The following DIPK2A variants were observed in gnomAD, a reference collection of about 807,000 sequenced individuals.
DIPK2A encodes divergent protein kinase domain 2A.
In DIPK2A, 27 loss-of-function variants were observed where a neutral mutation model predicts 39.0. That is an observed-to-expected ratio of 0.69 (90% CI 0.51 to 0.96). The LOEUF is 0.96. DIPK2A is among the 40% of genes least tolerant of loss of function. The pLI is 0.00. For synonymous variants in DIPK2A, 298 were observed against 240.8 expected (o/e 1.24, Z -2.20); for missense variants, 528 against 571.3 (o/e 0.92, Z 0.77).
At chr3:143,976,018 A>G (rs2087723549) in intron 1 of DIPK2A, among the ~76,000 whole-genome samples, 2 of 152,092 alleles carry the variant, frequency 1.3e-5, no homozygotes, top group Non-Finnish European at 2.9e-5. Flanking sequence ...AACAGTAAAA[A>G]ATTGAAGTTG....
In DIPK2A at chr3:143,972,188, T is replaced by TCA. The variant is rs2087659126; in HGVS notation, c.-139_-138dup. 2.5e-5 allele frequency: 16 copies of TCA among 652,762 alleles called. No homozygotes were observed. In the South Asian group the frequency reaches 6.4e-4, roughly 26 times the overall value. 40.4% of individuals were successfully genotyped at this position (652,762 alleles called of 1,614,324 possible). On this transcript the variant is annotated 5_prime_UTR_variant, in exon 1 of 3. Transcript: ENST00000315691. The stretch of plus-strand genomic sequence containing the variant: ...CCTTCCCGCTCCCCGTCTTCCTCTC[T>TCA]CACACACCTACTCCGCCCTCCGCCC...
chr3:143,989,756 C>G lies in DIPK2A; in HGVS notation c.1208C>G (p.Ala403Gly). The stretch of plus-strand genomic sequence containing the variant: ...CTCGAGGCCTTGCTGGATGAGTGTG[C>G]CAACCCAAAGAAGCGCTATGGCAGA... ...GRLEALLDEC[A>G]NPKKRYGRFQ... The change falls in exon 3 of 3, where the codon GCC becomes GGC. Residue 403 changes from alanine (A) to glycine (G), a missense_variant. By Grantham distance (60) the Ala-to-Gly change is moderately conservative. This residue lies in a region of DIPK2A where 219 missense variants were observed against 281.5 expected (regional missense o/e 0.78). Transcript: ENST00000315691. 1 of 1,614,192 alleles carries G rather than the reference C, an allele frequency of 6.2e-7. No homozygotes were observed. The highest frequency in any genetic ancestry group is 8.5e-7 in the Non-Finnish European group (1 of 1,180,042).
intron 1 of DIPK2A, among the ~76,000 whole-genome samples, chr3:143,980,680 A>G (rs573875108): frequency 4.4e-4 from 67 of 151,622 alleles, no homozygotes; most frequent in African/African-American, 1.6e-3. Context: ...CGATATTCAC[A>G]TTTTAGATTG....
chr3:143,980,607 C>G (rs761394808), intron 1 of DIPK2A, among the ~76,000 whole-genome samples: 9 of 149,632 alleles, frequency 6.0e-5, no homozygotes, highest in Non-Finnish European at 1.3e-4. Flanking sequence ...CATATACTTT[C>G]TAAGAGTGTT....
chr3:143,973,879 A>G (rs950869277), intron 1 of DIPK2A, among the ~76,000 whole-genome samples: 2 of 152,180 alleles, frequency 1.3e-5, no homozygotes, highest in Non-Finnish European at 2.9e-5. Context: ...AGAACAAAAA[A>G]CAAAAACACT....
rs922243680 is a variant in DIPK2A at position 143,990,687 on chromosome 3, A to G, written c.*846A>G. 1 of 152,640 alleles carries G rather than the reference A, an allele frequency of 6.6e-6. No individual in the cohort carries two copies. The highest frequency in any genetic ancestry group is 1.5e-5 in the Non-Finnish European group (1 of 68,008). The allele number at this position is 152,640 out of a possible 1,614,324, so 9.5% of individuals were successfully genotyped here. On this transcript the variant is annotated 3_prime_UTR_variant, in exon 3 of 3. Coordinates refer to ENST00000315691, the MANE Select transcript of DIPK2A (RefSeq NM_173552.5). The stretch of plus-strand genomic sequence containing the variant: ...GTTAATTTTGATTCAGAAAAAAAAT[A>G]CAACCCAGTATCTAAAAAGTGTTAA...
At chr3:143,978,058 T>C (rs2087756075) in intron 1 of DIPK2A, among the ~76,000 whole-genome samples, 1 of 152,076 alleles carries the variant, frequency 6.6e-6, no homozygotes, top group African/African-American at 2.4e-5. Context: ...CTCACACATG[T>C]TGGGAAATAG....
At chr3:143,987,728 A>G (rs2087923794) in intron 2 of DIPK2A, among the ~76,000 whole-genome samples, 1 of 152,162 alleles carries the variant, frequency 6.6e-6, no homozygotes, top group African/African-American at 2.4e-5. Context: ...TATAAAAAGT[A>G]TATATAAGAC....
rs2087959030 is a variant in DIPK2A, at chr3:143,990,044, C to T, written c.*203C>T. ...TGATGCTTCTGCAAATAAGTATGTTCTTATACTTTGGAGGCTTGAGCTGTC... is the reference window on the plus strand; with the variant it reads ...TGATGCTTCTGCAAATAAGTATGTTTTTATACTTTGGAGGCTTGAGCTGTC... On this transcript the variant is annotated 3_prime_UTR_variant, in exon 3 of 3. Transcript: ENST00000315691. 5.4e-6 allele frequency: 3 copies of T among 558,932 alleles called. No homozygotes were observed. Among genetic ancestry groups the T allele is most frequent in the Admixed American group, 3.2e-5 (1 of 31,082 alleles). 34.6% of individuals were successfully genotyped at this position (558,932 alleles called of 1,614,324 possible).
intron 1 of DIPK2A, chr3:143,978,644 A>ATATATATATATATC (rs2087775764): frequency 8.0e-5 from 4 of 49,700 alleles, no homozygotes; most frequent in African/African-American, 3.8e-4. Context: ...ATATATCTAT[A>ATATATATATATATC]TATATATATA....
At chr3:143,983,849 A>G (rs560828237) in intron 1 of DIPK2A, among the ~76,000 whole-genome samples, 2 of 144,252 alleles carry the variant, frequency 1.4e-5, no homozygotes, top group Admixed American at 6.7e-5. Context: ...TTTCATCTAC[A>G]TTTTGTATTG....
rs142361723 is a variant in DIPK2A, at chr3:143,972,512, C to T, written c.180C>T (p.Gly60=). Residue 60 remains glycine (G), a synonymous_variant, in exon 1 of 3, where the codon GGC becomes GGT. Coordinates refer to ENST00000315691, the MANE Select transcript of DIPK2A (RefSeq NM_173552.5). ...LQLNKCPACF[G]TSWCRRFLNG... is the part of the protein sequence containing the mutation. The stretch of plus-strand genomic sequence containing the variant: ...TCAATAAGTGCCCGGCGTGCTTCGG[C>T]ACGAGCTGGTGCCGCCGCTTCCTCA... 3 of 1,611,114 alleles carry T rather than the reference C, an allele frequency of 1.9e-6. No individual in the cohort carries two copies. The highest frequency in any genetic ancestry group is 2.7e-5 in the African/African-American group (2 of 74,960).
chr3:143,972,217 C>A lies in DIPK2A; in HGVS notation c.-116C>A, dbSNP rs918287736. 2.0e-6 allele frequency: 2 copies of A among 990,078 alleles called. No individual in the cohort carries two copies. Among genetic ancestry groups the A allele is most frequent in the Non-Finnish European group, 2.7e-6 (2 of 736,656 alleles). The allele number at this position is 990,078 out of a possible 1,614,324, so 61.3% of individuals were successfully genotyped here. A position where few individuals can be genotyped will look rare whatever the true frequency, so the allele number is the denominator to read the frequency against. On this transcript the variant is annotated 5_prime_UTR_variant, in exon 1 of 3. Transcript: ENST00000315691. Reference sequence around the variant, plus strand: ...ACACCTACTCCGCCCTCCGCCCCAGCCCGCGCGCTAGCTCCTTCTCTCGCC... The same window carrying A: ...ACACCTACTCCGCCCTCCGCCCCAGACCGCGCGCTAGCTCCTTCTCTCGCC...
At chr3:143,982,386 C>G (rs1437186384) in intron 1 of DIPK2A, among the ~76,000 whole-genome samples, 1 of 152,176 alleles carries the variant, frequency 6.6e-6, no homozygotes, top group African/African-American at 2.4e-5. Context: ...GCCCATCAGA[C>G]TAACAGCAGA....
intron 1 of DIPK2A, chr3:143,973,308 C>T: frequency 6.5e-7 from 1 of 1,531,740 alleles, no homozygotes; most frequent in South Asian, 1.2e-5. Flanking sequence ...TCCTTCCGCT[C>T]TCTACCCTGC....
At chr3:143,978,622 C>CTATAGATATATATATATCTA (rs2087769039) in intron 1 of DIPK2A, 5 of 121,646 alleles carry the variant, frequency 4.1e-5, no homozygotes, top group Non-Finnish European at 8.8e-5. Flanking sequence ...ATATCTATAT[C>CTATAGATATATATATATCTA]TATATATATA....
intron 1 of DIPK2A, among the ~76,000 whole-genome samples, chr3:143,983,237 A>G (rs139465169): frequency 1.8e-3 from 269 of 152,330 alleles, no homozygotes; most frequent in African/African-American, 6.1e-3. Flanking sequence ...ATAGACATCT[A>G]CAGAACTCTC....
At chr3:143,983,477 A>ACTTC (rs2087854901) in intron 1 of DIPK2A, among the ~76,000 whole-genome samples, 2 of 152,248 alleles carry the variant, frequency 1.3e-5, no homozygotes, top group East Asian at 1.9e-4. Context: ...TGATAAAATT[A>ACTTC]AGGCAGAAGT....
chr3:143,978,640 C>CTATATATATATATATATATCTA (rs1159706612), intron 1 of DIPK2A: 3 of 117,008 alleles, frequency 2.6e-5, no homozygotes, highest in Non-Finnish European at 5.4e-5. Context: ...ATATATATAT[C>CTATATATATATATATATATCTA]TATATATATA....
Sources: allele counts gnomAD v4.1 joint callset (sites outside exome capture counted in the v4.1 genomes callset), GRCh38; gene constraint gnomAD v4.1.1; regional missense constraint gnomAD v4.1.1; transcripts MANE v1.5; gene names NCBI Gene and HGNC (gene_info 2026-07-23, HGNC 2026-07-21).